RBKS: variants seen among roughly 807,000 people sequenced by gnomAD.
The protein encoded by RBKS is ribokinase.
A neutral mutation model predicts 33.9 loss-of-function variants in RBKS; 33 were observed. That is an observed-to-expected ratio of 0.97 (90% CI 0.74 to 1.30). The LOEUF (loss-of-function observed/expected upper bound fraction) is 1.30, where lower values mean the gene tolerates loss of function less well. RBKS is among the 50% of genes most tolerant of loss of function. RBKS has a pLI of 0.00. For synonymous variants in RBKS, 125 were observed against 143.0 expected, an observed-to-expected ratio of 0.87 and a Z score of 0.90; for missense variants, 361 against 392.6, an observed-to-expected ratio of 0.92 and a Z score of 0.68.
intron 1 of RBKS, among the ~76,000 whole-genome samples, chr2:27,881,717 G>A (rs1558559110): frequency 6.6e-6 from 1 of 151,984 alleles, no homozygotes; most frequent in Admixed American, 6.6e-5. Flanking sequence ...TACAAAAACA[G>A]ACATATAAAC....
chr2:27,888,623 A>C (rs1458944959), intron 1 of RBKS, among the ~76,000 whole-genome samples: 1 of 152,216 alleles, frequency 6.6e-6, no homozygotes, highest in Non-Finnish European at 1.5e-5. Flanking sequence ...AGTAAGTACC[A>C]TATAACCTTT....
At chr2:27,846,785 T>C (rs756059115) in intron 4 of RBKS, among the ~76,000 whole-genome samples, 1 of 152,198 alleles carries the variant, frequency 6.6e-6, no homozygotes, top group East Asian at 1.9e-4. Context: ...AGCATATACA[T>C]ATTATTTTGA....
At chr2:27,798,923 G>A (rs1047395665) in intron 7 of RBKS, among the ~76,000 whole-genome samples, 10 of 152,072 alleles carry the variant, frequency 6.6e-5, no homozygotes, top group African/African-American at 2.2e-4. Flanking sequence ...GTGCTGTCCC[G>A]GAAACCACCA....
chr2:27,840,488 G>A (rs549690818), intron 5 of RBKS, among the ~76,000 whole-genome samples: 67 of 152,080 alleles, frequency 4.4e-4, no homozygotes, highest in Admixed American at 7.9e-4. Flanking sequence ...CGGACTGGAG[G>A]AGTAATGGAC....
chr2:27,876,762 G>A (rs1664323183), intron 1 of RBKS, among the ~76,000 whole-genome samples: 1 of 152,074 alleles, frequency 6.6e-6, no homozygotes, highest in Admixed American at 6.6e-5. Context: ...GTAAAAAAAT[G>A]TGGATGTACT....
intron 1 of RBKS, among the ~76,000 whole-genome samples, chr2:27,889,046 T>G (rs1165573566): frequency 6.6e-6 from 1 of 152,256 alleles, no homozygotes; most frequent in East Asian, 1.9e-4. Context: ...CTTTTGTTGC[T>G]TCTTCTCGTT....
intron 1 of RBKS, among the ~76,000 whole-genome samples, chr2:27,887,216 T>TA (rs1664552708): frequency 6.6e-6 from 1 of 152,072 alleles, no homozygotes; most frequent in Non-Finnish European, 1.5e-5. Context: ...TGAACAACCA[T>TA]TGCTGGCTCT....
chr2:27,870,983 C>T (rs1473164178), intron 1 of RBKS: 2 of 432,164 alleles, frequency 4.6e-6, no homozygotes, highest in Non-Finnish European at 9.5e-6. Flanking sequence ...ACTCATTAAT[C>T]CACTCTAACA....
intron 7 of RBKS, among the ~76,000 whole-genome samples, chr2:27,793,698 T>C (rs1357560255): frequency 6.6e-6 from 1 of 152,174 alleles, no homozygotes; most frequent in Non-Finnish European, 1.5e-5. Context: ...AAAAAACCAC[T>C]ATTGGGACAT....
chr2:27,801,962 A>T (rs56156673), intron 7 of RBKS, among the ~76,000 whole-genome samples: 1 of 61,148 alleles, frequency 1.6e-5, no homozygotes, highest in Non-Finnish European at 3.3e-5. Flanking sequence ...AAAAAAAAAA[A>T]AATATATATA....
In RBKS at chr2:27,890,365, C is replaced by G; in HGVS notation, c.-20G>C. The G allele has an allele frequency of 6.2e-7, 1 of 1,609,400 alleles. No homozygotes were observed. Among genetic ancestry groups the G allele is most frequent in the Non-Finnish European group, 8.5e-7 (1 of 1,178,540 alleles). On this transcript the variant is annotated 5_prime_UTR_variant, in exon 1 of 8. Transcript: ENST00000302188. This position sits in a 1 kb window ranked among gnomAD's most constrained non-coding sequence, Gnocchi z 4.8. ...CGCCATCGCTCAAAGGTGCTGCTGT[C>G]CAACCTGGACGGTGACCTCTGCCCT...
At chr2:27,835,714 C>T (rs1476309895) in intron 5 of RBKS, among the ~76,000 whole-genome samples, 10 of 151,482 alleles carry the variant, frequency 6.6e-5, no homozygotes, top group African/African-American at 2.2e-4. Context: ...TGTGAGCCAC[C>T]GTGCCCGGCC....
At chr2:27,866,159 T>A (rs1170069236) in intron 1 of RBKS, among the ~76,000 whole-genome samples, 2 of 152,202 alleles carry the variant, frequency 1.3e-5, no homozygotes, top group African/African-American at 4.8e-5. Flanking sequence ...TAGGAAGTCT[T>A]TATCTTTCCC....
chr2:27,840,322 T>A (rs1663457418), intron 5 of RBKS, among the ~76,000 whole-genome samples: 1 of 101,948 alleles, frequency 9.8e-6, no homozygotes, highest in Non-Finnish European at 2.1e-5. Flanking sequence ...AGAATGATGA[T>A]GCATTACACA....
chr2:27,877,019 C>T (rs548460141), intron 1 of RBKS, among the ~76,000 whole-genome samples: 33 of 152,248 alleles, frequency 2.2e-4, no homozygotes, highest in African/African-American at 7.9e-4. Context: ...CACAATAACA[C>T]AATGTGTTAG....
intron 1 of RBKS, among the ~76,000 whole-genome samples, chr2:27,882,603 T>C (rs946650780): frequency 2.0e-5 from 3 of 152,198 alleles, no homozygotes; most frequent in East Asian, 3.9e-4. Context: ...ATATAAATCA[T>C]TCTGTAACAA....
At chr2:27,859,926 A>G (rs1663939187) in intron 1 of RBKS, among the ~76,000 whole-genome samples, 1 of 152,182 alleles carries the variant, frequency 6.6e-6, no homozygotes, top group Admixed American at 6.5e-5. Flanking sequence ...CTAAGAACAC[A>G]CGATTGCTTC....
At chr2:27,798,192 G>A (rs557455596) in intron 7 of RBKS, among the ~76,000 whole-genome samples, 2 of 152,182 alleles carry the variant, frequency 1.3e-5, no homozygotes, top group Admixed American at 6.5e-5. Context: ...AAGGAAGTTG[G>A]GGGGTATGTA....
intron 1 of RBKS, among the ~76,000 whole-genome samples, chr2:27,874,626 T>C (rs1482184902): frequency 6.6e-6 from 1 of 152,194 alleles, no homozygotes; most frequent in Admixed American, 6.5e-5. Context: ...CAGGAATAAC[T>C]CCAACCCCTT....
Sources: gnomAD v4.1 joint callset for allele counts (sites outside exome capture counted in the v4.1 genomes callset) on GRCh38, gnomAD v4.1.1 for gene constraint, Gnocchi (gnomAD v3.1) non-coding constraint, MANE v1.5 for transcripts, NCBI Gene and HGNC (gene_info 2026-07-23, HGNC 2026-07-21) for gene names.